Variants in SMARCA2 observed in about 807,000 individuals in gnomAD.
SMARCA2 encodes SWI/SNF-related matrix-associated actin-dependent regulator of chromatin subfamily A member 2.
SMARCA2 carries 61 observed loss-of-function variants against 199.8 expected under a neutral mutation model. That is an observed-to-expected ratio of 0.31 (90% CI 0.25 to 0.38). The LOEUF (loss-of-function observed/expected upper bound fraction) is 0.38, where lower values mean the gene tolerates loss of function less well. SMARCA2 is among the 10% of genes least tolerant of loss of function. SMARCA2 has a pLI of 1.00. For synonymous variants in SMARCA2, 935 were observed against 732.0 expected, an observed-to-expected ratio of 1.28 and a Z score of -4.48; for missense variants, 1,344 against 2,012.2, an observed-to-expected ratio of 0.67 and a Z score of 6.35.
intron 29 of SMARCA2, among the ~76,000 whole-genome samples, chr9:2,180,668 T>A (rs1826959724): frequency 6.6e-6 from 1 of 152,222 alleles, no homozygotes; most frequent in Admixed American, 6.5e-5. Context: ...GTAGACCAAA[T>A]CAGATATTAG....
intron 19 of SMARCA2, among the ~76,000 whole-genome samples, chr9:2,093,551 C>A (rs13301640): frequency 0.18 from 28,038 of 152,064 alleles, 3,547 homozygotes; most frequent in African/African-American, 0.36. Context: ...GTGGTGAGGC[C>A]TTATGGGTTT....
intron 28 of SMARCA2, among the ~76,000 whole-genome samples, chr9:2,165,463 A>G (rs1825889126): frequency 6.6e-6 from 1 of 152,196 alleles, no homozygotes; most frequent in South Asian, 2.1e-4. Context: ...TGTGTGATTC[A>G]TAAGTGTAAA....
intron 1 of SMARCA2, among the ~76,000 whole-genome samples, chr9:2,022,667 A>G (rs1216601661): frequency 2.0e-5 from 3 of 152,172 alleles, no homozygotes; most frequent in Non-Finnish European, 4.4e-5. Context: ...TTCTTTTTAT[A>G]TGTTTAAAGT....
chr9:2,073,659 GA>G (rs1350922899), intron 12 of SMARCA2, 36 bp downstream of exon 12: 2 of 1,493,286 alleles, frequency 1.3e-6, no homozygotes, highest in Non-Finnish European at 1.9e-6. Context: ...TTATTGGTTT[GA>G]AAGTTATCAG....
chr9:2,105,391 A>G lies in SMARCA2; in HGVS notation c.3292+1222A>G, dbSNP rs549594856. 1.9e-3 allele frequency among the ~76,000 whole-genome samples: 289 copies of G among 151,194 alleles called. 1 individual carries two copies. The highest frequency in any genetic ancestry group is 3.5e-3 in the Non-Finnish European group (235 of 67,906). On this transcript the variant is annotated intron_variant, in intron 23 of 33. Transcript: ENST00000349721. ...CTCCCGAGTAGCTGGGATTACAGGC[A>G]TGTGCCACCACGCCCGGCTAATTTT...
At chr9:2,020,767 A>G (rs1189730271) in intron 1 of SMARCA2, among the ~76,000 whole-genome samples, 2 of 152,188 alleles carry the variant, frequency 1.3e-5, no homozygotes, top group African/African-American at 2.4e-5. Context: ...GAATAATTGT[A>G]CCTCAGAAAA....
Position 2,083,958 on chromosome 9 carries a change from A to C in SMARCA2, c.2416-128A>C, listed in dbSNP as rs1821682541. The C allele has an allele frequency of 5.2e-6, 3 of 576,478 alleles. No homozygotes were observed. In the Admixed American group the frequency reaches 8.9e-5, roughly 17 times the overall value. The allele number at this position is 576,478 out of a possible 1,614,324, so 35.7% of individuals were successfully genotyped here. A position where few individuals can be genotyped will look rare whatever the true frequency, so the allele number is the denominator to read the frequency against. ...AAAACTTCCTCGTGTATAATAGATC[A>C]GTCTATGAGAATGTGTGTCTGTGCA... On this transcript the variant is annotated intron_variant, in intron 16 of 33. Transcript: ENST00000349721.
chr9:2,080,579 A>G lies in SMARCA2; in HGVS notation c.2185-1253A>G, dbSNP rs533093992. Among the ~76,000 whole-genome samples the G allele has an allele frequency of 1.9e-3, 283 of 152,252 alleles. 3 individuals carry two copies. The highest frequency in any genetic ancestry group is 6.3e-3 in the African/African-American group (261 of 41,536). ...TCTCCTGTCTACCACTGTTTGTTTT[A>G]TAATAATTTCCCCTCTTTCCCTCTA... On this transcript the variant is annotated intron_variant, in intron 14 of 33. Transcript: ENST00000349721.
chr9:2,126,238 G>A (rs6475506), intron 27 of SMARCA2, among the ~76,000 whole-genome samples: 46,242 of 152,174 alleles, frequency 0.3, 11,980 homozygotes, highest in African/African-American at 0.7. Context: ...TTGTAATTCT[G>A]AAATGCCATG....
intron 29 of SMARCA2, among the ~76,000 whole-genome samples, chr9:2,175,150 G>C (rs952360542): frequency 2.0e-5 from 3 of 152,154 alleles, no homozygotes; most frequent in Non-Finnish European, 4.4e-5. Context: ...ATCACATTTA[G>C]TCAGATGGGC....
chr9:2,148,185 A>C (rs566859040), intron 27 of SMARCA2, among the ~76,000 whole-genome samples: 5 of 151,780 alleles, frequency 3.3e-5, no homozygotes, highest in Admixed American at 3.3e-4. Context: ...TTCTTCTCAC[A>C]GTTACATTAT....
chr9:2,110,998 G>A lies in SMARCA2; in HGVS notation c.3456+581G>A, dbSNP rs1822968057. On this transcript the variant is annotated intron_variant, in intron 24 of 33. Transcript: ENST00000349721. The surrounding 1 kb of genome is among the most constrained non-coding windows in gnomAD (Gnocchi z 4.8). Reference sequence around the variant, plus strand: ...CATTTATTGTTGTAAAGCTCTTTTAGCCAGGTAAGTTCAGGGCTATCCTTT... The same window carrying A: ...CATTTATTGTTGTAAAGCTCTTTTAACCAGGTAAGTTCAGGGCTATCCTTT... Among the ~76,000 whole-genome samples the A allele has an allele frequency of 6.6e-6, 1 of 150,572 alleles. No homozygotes were observed. The highest frequency in any genetic ancestry group is 2.4e-5 in the African/African-American group (1 of 40,938).
intron 31 of SMARCA2, among the ~76,000 whole-genome samples, chr9:2,182,864 C>T (rs1425652216): frequency 2.6e-5 from 4 of 151,752 alleles, no homozygotes; most frequent in African/African-American, 4.8e-5. Context: ...GATCTCGGCT[C>T]ACTGCAACTT....
At chr9:2,021,613 A>G (rs1300559769) in intron 1 of SMARCA2, among the ~76,000 whole-genome samples, 1 of 152,206 alleles carries the variant, frequency 6.6e-6, no homozygotes, top group Non-Finnish European at 1.5e-5. Flanking sequence ...CATGTAATAA[A>G]TGGCTTTGCA....
At chr9:2,062,395 T>A (rs188672723) in intron 9 of SMARCA2, among the ~76,000 whole-genome samples, 30 of 152,314 alleles carry the variant, frequency 2.0e-4, no homozygotes, top group African/African-American at 7.2e-4. Context: ...TTTTGTATTT[T>A]ACATTTCTTT....
chr9:2,137,720 C>G lies in SMARCA2; in HGVS notation c.3981+13783C>G, dbSNP rs545814287. 5.3e-4 allele frequency among the ~76,000 whole-genome samples: 80 copies of G among 152,326 alleles called. 1 individual carries two copies. The highest frequency in any genetic ancestry group is 1.9e-3 in the African/African-American group (80 of 41,566). On this transcript the variant is annotated intron_variant, in intron 27 of 33. Coordinates refer to ENST00000349721, the MANE Select transcript of SMARCA2 (RefSeq NM_003070.5). ...CCAGGGCCTTTGCCTGTCTTCTTGA[C>G]TGCTATGTCCTGGTACCTGCAGCAG... is the stretch of plus-strand genomic sequence containing the variant.
intron 27 of SMARCA2, chr9:2,160,362 T>C (rs780044927): frequency 1.9e-6 from 1 of 523,552 alleles, no homozygotes; most frequent in Non-Finnish European, 3.4e-6. Flanking sequence ...AATCTGTCTG[T>C]GTGCATGTTG....
At chr9:2,075,789 C>G (rs1192150348) in intron 12 of SMARCA2, among the ~76,000 whole-genome samples, 4 of 152,160 alleles carry the variant, frequency 2.6e-5, no homozygotes, top group African/African-American at 9.6e-5. Context: ...CCCCGAGTAG[C>G]TGGGATTACA....
chr9:2,036,999 G>A (rs530719072), intron 3 of SMARCA2, among the ~76,000 whole-genome samples: 4 of 152,230 alleles, frequency 2.6e-5, no homozygotes, highest in East Asian at 1.9e-4. Context: ...AGGAAAGACC[G>A]GAAATCAGGA....
Sources: allele counts gnomAD v4.1 joint callset (sites outside exome capture counted in the v4.1 genomes callset), GRCh38; gene constraint gnomAD v4.1.1; non-coding constraint Gnocchi (gnomAD v3.1); transcripts MANE v1.5; gene names NCBI Gene and HGNC (gene_info 2026-07-23, HGNC 2026-07-21).